CCDC30: variants seen among roughly 807,000 people sequenced by gnomAD.
CCDC30 encodes the protein coiled-coil domain-containing protein 30.
CCDC30 carries 70 observed loss-of-function variants against 100.2 expected under a neutral mutation model. The ratio of observed to expected loss-of-function variants is 0.70; its 90% confidence interval spans 0.58 to 0.85. The LOEUF (loss-of-function observed/expected upper bound fraction) is 0.85. Ranked by LOEUF, CCDC30 falls within the 40% of genes least tolerant of loss-of-function variation. CCDC30 has a pLI of 0.00. For synonymous variants in CCDC30, 233 were observed against 269.5 expected (o/e 0.86, Z 1.33); for missense variants, 652 against 771.2 (o/e 0.85, Z 1.83).
chr1:42,566,612 CCTT>C, intron 7 of CCDC30, 137 bp downstream of exon 11: 1 of 639,620 alleles, frequency 1.6e-6, no homozygotes, highest in Admixed American at 3.2e-5. Context: ...GTAACTTCCT[CCTT>C]TAACTTTTCC....
At chr1:42,628,775 T>G (rs1232453270) in intron 11 of CCDC30, among the ~76,000 whole-genome samples, 1 of 152,198 alleles carries the variant, frequency 6.6e-6, no homozygotes, top group Non-Finnish European at 1.5e-5. Flanking sequence ...GTAAGTCCAA[T>G]TAAACCTCTT....
chr1:42,469,805 A>G (rs1002957942), intron 1 of CCDC30, among the ~76,000 whole-genome samples: 4 of 152,150 alleles, frequency 2.6e-5, no homozygotes, highest in Admixed American at 6.5e-5. Context: ...CTGGGAGACA[A>G]GGTCATTTGC....
upstream of CCDC30, among the ~76,000 whole-genome samples, chr1:42,458,242 G>A (rs1569611566): frequency 6.6e-6 from 1 of 152,318 alleles, no homozygotes; most frequent in East Asian, 1.9e-4. Flanking sequence ...TCTGGCATCA[G>A]TATGAAAGAC....
chr1:42,579,182 G>A (rs972811410), intron 8 of CCDC30, among the ~76,000 whole-genome samples: 1 of 151,900 alleles, frequency 6.6e-6, no homozygotes. Flanking sequence ...AGTAGAGACG[G>A]GGTTTCACCA....
chr1:42,631,386 C>T (rs2148669620), intron 11 of CCDC30, among the ~76,000 whole-genome samples: 1 of 152,290 alleles, frequency 6.6e-6, no homozygotes, highest in South Asian at 2.1e-4. Context: ...ATGACACAAG[C>T]ACCCTTATGG....
chr1:42,515,262 A>C (rs191369684), intron 6 of CCDC30, among the ~76,000 whole-genome samples: 364 of 152,190 alleles, frequency 2.4e-3, no homozygotes, highest in Non-Finnish European at 3.4e-3. Flanking sequence ...AAGAGTCAAG[A>C]AATGATGCTA....
intron 1 of CCDC30, among the ~76,000 whole-genome samples, chr1:42,469,058 T>A (rs182399875): frequency 5.0e-4 from 75 of 150,502 alleles, no homozygotes; most frequent in African/African-American, 1.6e-3. Flanking sequence ...AGTGAAGACG[T>A]ACAGCAAAGA....
chr1:42,558,033 A>G, intron 6 of CCDC30: 1 of 194,922 alleles, frequency 5.1e-6, no homozygotes, highest in Non-Finnish European at 1.1e-5. Context: ...TACCAGGATT[A>G]TATGGTGGGA....
intron 6 of CCDC30, among the ~76,000 whole-genome samples, chr1:42,540,777 A>G (rs1260800223): frequency 3.9e-5 from 6 of 152,240 alleles, no homozygotes. Flanking sequence ...ACTAAAAACA[A>G]TAACATCTCC....
At chr1:42,595,220 A>C (rs796136397) in intron 10 of CCDC30, 3 of 152,282 alleles carry the variant, frequency 2.0e-5, no homozygotes, top group African/African-American at 7.2e-5. Flanking sequence ...AAGTCCACAA[A>C]TGGTGGTCCT....
At chr1:42,642,095 G>A (rs1383260596) in intron 12 of CCDC30, among the ~76,000 whole-genome samples, 7 of 151,842 alleles carry the variant, frequency 4.6e-5, no homozygotes, top group South Asian at 2.1e-4. Context: ...GCGTAGTGGT[G>A]GGCACCTGTA....
At chr1:42,642,979 G>A (rs576954870) in intron 13 of CCDC30, among the ~76,000 whole-genome samples, 3 of 152,296 alleles carry the variant, frequency 2.0e-5, no homozygotes, top group South Asian at 4.1e-4. Flanking sequence ...TTAAATTCAT[G>A]AAATCCACAG....
intron 8 of CCDC30, among the ~76,000 whole-genome samples, chr1:42,578,558 G>A (rs1325959699): frequency 6.6e-6 from 1 of 152,048 alleles, no homozygotes; most frequent in African/African-American, 2.4e-5. Flanking sequence ...TGGTAAAATT[G>A]GTAAAGATTG....
At chr1:42,587,753 T>C (rs1396126390) in intron 9 of CCDC30, among the ~76,000 whole-genome samples, 1 of 152,220 alleles carries the variant, frequency 6.6e-6, no homozygotes, top group Non-Finnish European at 1.5e-5. Context: ...ACCAGTACTA[T>C]TTCATTATCA....
chr1:42,619,867 A>C (rs1404124962), intron 11 of CCDC30, among the ~76,000 whole-genome samples: 1 of 152,256 alleles, frequency 6.6e-6, no homozygotes, highest in East Asian at 1.9e-4. Context: ...CTGAATAGGT[A>C]TCCTGAAATA....
intron 6 of CCDC30, among the ~76,000 whole-genome samples, chr1:42,512,987 G>A (rs533643769): frequency 2.0e-5 from 3 of 152,124 alleles, no homozygotes; most frequent in Non-Finnish European, 4.4e-5. Context: ...TAAAATGGAG[G>A]CCAAGAACCT....
At chr1:42,520,337 C>CT (rs536492306) in intron 6 of CCDC30, among the ~76,000 whole-genome samples, 4,647 of 144,354 alleles carry the variant, frequency 0.032, 215 homozygotes, top group East Asian at 0.15. Context: ...TTTCTTTTCT[C>CT]TTTTTTTTTT....
rs773947069 is a variant in CCDC30, at chr1:42,539,254, C to T, written c.457-27042C>T. The T allele has an allele frequency of 1.9e-6, 3 of 1,609,444 alleles. No homozygotes were observed. The Admixed American group carries it at 5.0e-5, about 27-fold the overall frequency. On this transcript the variant is annotated intron_variant, in intron 6 of 16. Transcript: ENST00000668663. Reference sequence around the variant, plus strand: ...TCCAGGGGAATCAGAAAGCAAAGACCATTTTTTAATAGCATGTGACCTGTT... The same window carrying T: ...TCCAGGGGAATCAGAAAGCAAAGACTATTTTTTAATAGCATGTGACCTGTT...
At chr1:42,552,770 A>C (rs1471446580) in intron 6 of CCDC30, among the ~76,000 whole-genome samples, 1 of 152,028 alleles carries the variant, frequency 6.6e-6, no homozygotes, top group African/African-American at 2.4e-5. Context: ...TGATACCACA[A>C]GGCAGGTGGG....
Sources: gnomAD v4.1 joint callset for allele counts (sites outside exome capture counted in the v4.1 genomes callset) on GRCh38, gnomAD v4.1.1 for gene constraint, MANE v1.5 for transcripts, NCBI Gene and HGNC (gene_info 2026-07-23, HGNC 2026-07-21) for gene names.